RGS8: variants seen among roughly 807,000 people sequenced by gnomAD.
RGS8 encodes regulator of G-protein signaling 8.
A neutral mutation model predicts 21.7 loss-of-function variants in RGS8; 8 were observed. The ratio of observed to expected loss-of-function variants is 0.37; its 90% CI spans 0.22 to 0.66. RGS8 has a LOEUF of 0.66. RGS8 is among the 30% of genes least tolerant of loss of function. The pLI, the probability that RGS8 is intolerant of heterozygous loss-of-function variation, is 0.59. For missense variants in RGS8, 157 were observed against 217.9 expected, an observed-to-expected ratio of 0.72 and a Z score of 1.76; for synonymous variants, 80 against 83.6, an observed-to-expected ratio of 0.96 and a Z score of 0.24.
rs141661068 is a variant in RGS8, at chr1:182,649,380, C to T, written c.194-1077G>A. On this transcript the variant is annotated intron_variant, in intron 5 of 6. Transcript: ENST00000483095. ...AGTAAACTACCCACTGAAATGCAGTCGGCAGTTTCATTCTGTTACCTGGAC... is the reference window on the plus strand; with the variant it reads ...AGTAAACTACCCACTGAAATGCAGTTGGCAGTTTCATTCTGTTACCTGGAC... 5.5e-4 allele frequency among the ~76,000 whole-genome samples: 84 copies of T among 152,206 alleles called. 2 individuals carry two copies. Among genetic ancestry groups the T allele is most frequent in the Admixed American group, 1.7e-3 (26 of 15,288 alleles).
chr1:182,751,091 T>C, the RGS8 span, among the ~76,000 whole-genome samples: 58 of 152,240 alleles, frequency 3.8e-4, no homozygotes, highest in African/African-American at 1.3e-3. Context: ...GGGGAACAAG[T>C]AGTTAAGGTG....
chr1:182,668,034 G>C (rs1289235250), intron 3 of RGS8, among the ~76,000 whole-genome samples: 6 of 151,504 alleles, frequency 4.0e-5, no homozygotes, highest in Admixed American at 1.3e-4. Flanking sequence ...CTGAAAAGGT[G>C]CCTGTCTGTG....
chr1:182,728,901 C>T, the RGS8 span, among the ~76,000 whole-genome samples: 1 of 152,110 alleles, frequency 6.6e-6, no homozygotes, highest in African/African-American at 2.4e-5. Flanking sequence ...GGCTTAATAC[C>T]TAGGTAATGG....
upstream of RGS8, among the ~76,000 whole-genome samples, chr1:182,674,443 C>T (rs571111888): frequency 6.6e-6 from 1 of 152,116 alleles, no homozygotes; most frequent in East Asian, 1.9e-4. Flanking sequence ...CACAAGGAAA[C>T]GGAACATTAA....
At chr1:182,705,255 G>A in the RGS8 span, among the ~76,000 whole-genome samples, 99 of 152,328 alleles carry the variant, frequency 6.5e-4, 1 homozygote, top group South Asian at 0.02. Context: ...ATGAAGGCCT[G>A]AGAACAAAGA....
intron 5 of RGS8, among the ~76,000 whole-genome samples, chr1:182,654,361 G>T (rs1363509311): frequency 2.6e-5 from 4 of 152,008 alleles, no homozygotes; most frequent in African/African-American, 9.7e-5. Context: ...TAAGGACAAA[G>T]GCAAAGAAAA....
At chr1:182,673,917 A>T (rs1357987148), upstream of RGS8, among the ~76,000 whole-genome samples, 1 of 152,254 alleles carries the variant, frequency 6.6e-6, no homozygotes, top group African/African-American at 2.4e-5. Context: ...AGTATGTGCC[A>T]GACACTATGC....
the RGS8 span, among the ~76,000 whole-genome samples, chr1:182,732,945 G>C: frequency 6.6e-6 from 1 of 152,190 alleles, no homozygotes; most frequent in African/African-American, 2.4e-5. Context: ...ACAAAGCAAA[G>C]CCATCACAGC....
In RGS8 at chr1:182,670,115, G is replaced by A. The variant is rs140558962; in HGVS notation, c.-103-363C>T. On this transcript the variant is annotated intron_variant, in intron 2 of 6. Transcript: ENST00000483095. ...GCAAGCGGGATTGGAGGAGGGGGTCGGCACTTGCTCCAAAATAATCTGATT... is the reference window on the plus strand; with the variant it reads ...GCAAGCGGGATTGGAGGAGGGGGTCAGCACTTGCTCCAAAATAATCTGATT... 7.8e-4 allele frequency among the ~76,000 whole-genome samples: 119 copies of A among 152,280 alleles called. 1 individual carries two copies. The highest frequency in any genetic ancestry group is 2.6e-3 in the African/African-American group (110 of 41,546).
At chr1:182,721,259 C>T in the RGS8 span, among the ~76,000 whole-genome samples, 1 of 151,708 alleles carries the variant, frequency 6.6e-6, no homozygotes, top group African/African-American at 2.4e-5. Flanking sequence ...AATTGGGATG[C>T]CACAGTGAAA....
At chr1:182,648,786 A>T (rs1287105847) in intron 5 of RGS8, among the ~76,000 whole-genome samples, 1 of 151,942 alleles carries the variant, frequency 6.6e-6, no homozygotes, top group East Asian at 1.9e-4. Context: ...GTGTCCTCAG[A>T]GGCAAGCCAT....
chr1:182,747,198 C>T, the RGS8 span, among the ~76,000 whole-genome samples: 2 of 151,304 alleles, frequency 1.3e-5, no homozygotes, highest in Admixed American at 6.6e-5. Flanking sequence ...CCATTCCTGG[C>T]CCTGCATCTT....
chr1:182,745,625 T>C, the RGS8 span, among the ~76,000 whole-genome samples: 2 of 152,356 alleles, frequency 1.3e-5, no homozygotes, highest in South Asian at 4.1e-4. Flanking sequence ...TTCTACTGCA[T>C]AAATACACTC....
the RGS8 span, among the ~76,000 whole-genome samples, chr1:182,719,277 G>A: frequency 1.3e-5 from 2 of 152,082 alleles, no homozygotes. Flanking sequence ...GCAGTTTTAA[G>A]TGAGAGGAGA....
rs561884562 is a variant in RGS8 at position 182,681,416 on chromosome 1, T to G, written n.221+2940A>C. Among the ~76,000 whole-genome samples, 33 of 152,366 alleles carry G rather than the reference T, an allele frequency of 2.2e-4. No homozygotes were observed. In the East Asian group the frequency reaches 5.2e-3, roughly 24 times the overall value. ...CAGCTTCAGCACTCTCCCCCTTCTC[T>G]GAATATAAAATAAGCTCTTTCTAAT... On this transcript the variant is annotated intron_variant and non_coding_transcript_variant, in intron 1 of 4. Transcript: ENST00000515211.
At chr1:182,735,881 C>T in the RGS8 span, among the ~76,000 whole-genome samples, 1 of 152,194 alleles carries the variant, frequency 6.6e-6, no homozygotes, top group East Asian at 1.9e-4. Context: ...CAGGGCCTTT[C>T]TGCCCCCAAA....
At chr1:182,699,867 G>C in the RGS8 span, among the ~76,000 whole-genome samples, 3 of 152,214 alleles carry the variant, frequency 2.0e-5, no homozygotes, top group African/African-American at 7.2e-5. Flanking sequence ...TGTTCCAGCA[G>C]TGCCAGCTCG....
At chr1:182,663,301 A>G (rs1466151548) in intron 5 of RGS8, among the ~76,000 whole-genome samples, 1 of 152,218 alleles carries the variant, frequency 6.6e-6, no homozygotes, top group Non-Finnish European at 1.5e-5. Flanking sequence ...ACTGCTCCAT[A>G]GCCTTCACAG....
chr1:182,736,802 C>G, the RGS8 span, among the ~76,000 whole-genome samples: 1 of 152,346 alleles, frequency 6.6e-6, no homozygotes, highest in South Asian at 2.1e-4. Flanking sequence ...CTTGCTCACT[C>G]TTTCCCGCTC....
Sources: allele counts gnomAD v4.1 joint callset (sites outside exome capture counted in the v4.1 genomes callset), GRCh38; gene constraint gnomAD v4.1.1; transcripts MANE v1.5; gene names NCBI Gene and HGNC (gene_info 2026-07-23, HGNC 2026-07-21).